Variants in SPOCD1 observed in about 807,000 individuals in gnomAD.
SPOCD1 encodes the protein SPOC domain containing 1.
A neutral mutation model predicts 92.2 loss-of-function variants in SPOCD1; 64 were observed. That is an observed-to-expected ratio of 0.69 (90% CI 0.57 to 0.86). The LOEUF is 0.86. Among genes scored for constraint, SPOCD1 ranks in the 40% least tolerant of loss-of-function variants. The pLI, the probability that SPOCD1 is intolerant of heterozygous loss-of-function variation, is 0.00. For synonymous variants in SPOCD1, 578 were observed against 619.3 expected (o/e 0.93, Z 0.99); for missense variants, 1,360 against 1,543.1 (o/e 0.88, Z 1.99).
Position 31,814,498 on chromosome 1 carries a change from G to A in SPOCD1, c.836C>T (p.Ala279Val). 1 of 1,555,110 alleles carries A rather than the reference G, an allele frequency of 6.4e-7. No homozygotes were observed. The highest frequency in any genetic ancestry group is 1.2e-5 in the South Asian group (1 of 82,028). ...GEPGGSGAGC[A>V]SGTEKFGYLP... The stretch of plus-strand genomic sequence containing the variant: ...ATATCCAAATTTCTCAGTCCCTGAG[G>A]CACATCCTGCCCCACTTCCACCTGG... Residue 279 changes from alanine to valine, a missense_variant, in exon 2 of 16, where the codon GCC becomes GTC. Coordinates refer to ENST00000360482, the MANE Select transcript of SPOCD1 (RefSeq NM_144569.7). This position sits in a 1 kb window ranked among gnomAD's most constrained non-coding sequence, Gnocchi z 4.2.
At chr1:31,806,901 G>T (rs1175041839) in intron 2 of SPOCD1, among the ~76,000 whole-genome samples, 1 of 151,998 alleles carries the variant, frequency 6.6e-6, no homozygotes, top group Non-Finnish European at 1.5e-5. Flanking sequence ...CTGAGTCTTT[G>T]AAATTCAGTG....
intron 2 of SPOCD1, among the ~76,000 whole-genome samples, chr1:31,807,987 C>G (rs1458618803): frequency 6.6e-6 from 1 of 152,118 alleles, no homozygotes; most frequent in South Asian, 2.1e-4. Context: ...TAAATTGAAT[C>G]AGTAGGGAAG....
intron 3 of SPOCD1, 79 bp downstream of exon 3, chr1:31,801,585 T>C (rs1320018058): frequency 2.3e-6 from 3 of 1,302,980 alleles, no homozygotes; most frequent in Non-Finnish European, 3.3e-6. Context: ...TCTCCACATC[T>C]ACTGTGGAGG....
Position 31,790,741 on chromosome 1 carries a change from G to C in SPOCD1, c.3513C>G (p.Thr1171=), listed in dbSNP as rs1167390935. Residue 1171 remains threonine, a synonymous_variant, in exon 16 of 16, where the codon ACC becomes ACG. Coordinates refer to ENST00000360482, the MANE Select transcript of SPOCD1 (RefSeq NM_144569.7). ...GCAGAGGGCGGGGGATGGAGCTCTT[G>C]GTCTGGGGGCACAGTAAGGCTTGGA... The part of the protein sequence containing the change: ...HQLQALLCPQ[T]KSSIPRPLQR... 4 of 1,552,090 alleles carry C rather than the reference G, an allele frequency of 2.6e-6. No individual in the cohort carries two copies. The highest frequency in any genetic ancestry group is 2.4e-5 in the East Asian group (1 of 40,972).
intron 2 of SPOCD1, among the ~76,000 whole-genome samples, chr1:31,809,796 AT>A (rs1570200426): frequency 2.0e-5 from 3 of 152,160 alleles, no homozygotes; most frequent in African/African-American, 7.2e-5. Flanking sequence ...CTCTCTGTAA[AT>A]GCCTGTGTTG....
At chr1:31,792,495 G>A in intron 14 of SPOCD1, 94 bp from the exon 15 acceptor site, 1 of 1,370,698 alleles carries the variant, frequency 7.3e-7, no homozygotes, top group Non-Finnish European at 1.0e-6. Flanking sequence ...AACCCCGTGA[G>A]AAAGTATGTC....
chr1:31,805,577 A>G (rs921001977), intron 2 of SPOCD1, among the ~76,000 whole-genome samples: 1 of 151,996 alleles, frequency 6.6e-6, no homozygotes, highest in Admixed American at 6.6e-5. Context: ...ATTTTTTTTT[A>G]AAGAGCCAGG....
Position 31,799,401 on chromosome 1 carries a change from C to A in SPOCD1, c.1868G>T (p.Arg623Leu), listed in dbSNP as rs201291524. ...AGGGGAGTGGGGAGCAAGGCCTCAC[C>A]GAGTCCATAGTACCTCCTGCATGGA... ...VRSMQEVLWT[R>L]LRELPDPVLS... The change falls in exon 7 of 16, where the codon CGC becomes CTC. Residue 623 changes from arginine to leucine, a missense_variant and splice_region_variant. Physicochemically the swap from Arg to Leu is moderately radical, Grantham distance 102 (BLOSUM62 -2). This residue lies in a region of SPOCD1 where 606 missense variants were observed against 601.5 expected (regional missense o/e 1.01). Transcript: ENST00000360482. 6.2e-7 allele frequency: 1 copy of A among 1,607,260 alleles called. No homozygotes were observed. Among genetic ancestry groups the A allele is most frequent in the South Asian group, 1.1e-5 (1 of 89,588 alleles).
At chr1:31,808,823 T>C (rs1196520677) in intron 2 of SPOCD1, among the ~76,000 whole-genome samples, 2 of 151,122 alleles carry the variant, frequency 1.3e-5, no homozygotes, top group African/African-American at 4.8e-5. Context: ...AAAAGCAAGA[T>C]TTCTGGATGC....
intron 15 of SPOCD1, 102 bp from the exon 16 acceptor site, chr1:31,791,393 AAAGT>A (rs778585165): frequency 2.1e-6 from 2 of 954,768 alleles, no homozygotes; most frequent in African/African-American, 1.7e-5. Context: ...GATGCTGGGA[AAAGT>A]AAGTAGGAAG....
Position 31,800,549 on chromosome 1 carries a change from T to TGGCA in SPOCD1, c.1490_1493dup (p.Pro499AlafsTer56), listed in dbSNP as rs1302933917. ...AGTCCTCTAGAACCTCCAGCTTTGG[T>TGGCA]GGCAGCTGCCCCCCTGCCTGGCCGT... On this transcript the variant is annotated frameshift_variant, in exon 4 of 16. Coordinates refer to ENST00000360482, the MANE Select transcript of SPOCD1 (RefSeq NM_144569.7). LOFTEE classifies it high-confidence loss of function. 6.2e-7 allele frequency: 1 copy of TGGCA among 1,611,644 alleles called. No homozygotes were observed. The highest frequency in any genetic ancestry group is 1.3e-5 in the African/African-American group (1 of 75,020).
In SPOCD1 at chr1:31,800,424, C is replaced by T. The variant is rs1334656963; in HGVS notation, c.1602+17G>A. The T allele has an allele frequency of 7.8e-6, 12 of 1,541,342 alleles. No individual in the cohort carries two copies. Among genetic ancestry groups the T allele is most frequent in the African/African-American group, 2.7e-5 (2 of 72,734 alleles). On this transcript the variant is annotated intron_variant, in intron 4 of 15. Coordinates refer to ENST00000360482, the MANE Select transcript of SPOCD1 (RefSeq NM_144569.7). ...TGCCTCTCTCAGCAGGATTAAATGACATCACTTGTTCTGTACCTGGCACCC... is the reference window on the plus strand; with the variant it reads ...TGCCTCTCTCAGCAGGATTAAATGATATCACTTGTTCTGTACCTGGCACCC...
intron 10 of SPOCD1, 37 bp downstream of exon 10, chr1:31,796,553 G>A: frequency 6.2e-7 from 1 of 1,614,224 alleles, no homozygotes; most frequent in Non-Finnish European, 8.5e-7. Context: ...CCCCAGGCAT[G>A]GGCTCTGCCC....
Position 31,793,468 on chromosome 1 carries a change from C to A in SPOCD1, c.2535-40G>T. The A allele has an allele frequency of 1.9e-6, 3 of 1,559,780 alleles. No homozygotes were observed. The South Asian group carries it at 3.5e-5, about 18-fold the overall frequency. The stretch of plus-strand genomic sequence containing the variant: ...AGAAGACAGGGCCAGACAGAGCAGG[C>A]CATGAGGACTTCCCCGGCACCTCCT... On this transcript the variant is annotated intron_variant, in intron 12 of 15. Coordinates refer to ENST00000360482, the MANE Select transcript of SPOCD1 (RefSeq NM_144569.7).
In SPOCD1 at chr1:31,793,797, A is replaced by G. The variant is rs765036515; in HGVS notation, c.2484T>C (p.Ala828=). The change falls in exon 12 of 16, where the codon GCT becomes GCC. Residue 828 remains alanine, a synonymous_variant. Coordinates refer to ENST00000360482, the MANE Select transcript of SPOCD1 (RefSeq NM_144569.7). ...ACTCCCTGGTTTTGGGCATCTCTGG[A>G]GCAGGCATAGGAGTTTGGCTTAGGG... The part of the protein sequence containing the change: ...QKALSQTPMP[A]PEMPKTRELS... 1 of 1,614,174 alleles carries G rather than the reference A, an allele frequency of 6.2e-7. No individual in the cohort carries two copies. Among genetic ancestry groups the G allele is most frequent in the South Asian group, 1.1e-5 (1 of 91,084 alleles).
chr1:31,793,260 C>G lies in SPOCD1; in HGVS notation c.2685+18G>C, dbSNP rs747921757. 12 of 1,577,412 alleles carry G rather than the reference C, an allele frequency of 7.6e-6. No homozygotes were observed. The African/African-American group carries it at 9.4e-5, about 12-fold the overall frequency. On this transcript the variant is annotated intron_variant, in intron 13 of 15. Coordinates refer to ENST00000360482, the MANE Select transcript of SPOCD1 (RefSeq NM_144569.7). Reference sequence around the variant, plus strand: ...GGTCAGTGTGTAAGGGAATCCCTGGCGAGGAGGGCAGGTGCACCTGGACAA... The same window carrying G: ...GGTCAGTGTGTAAGGGAATCCCTGGGGAGGAGGGCAGGTGCACCTGGACAA...
At position 31,814,129 on chromosome 1, in the gene SPOCD1, T is replaced by C. The variant is rs376146499; in HGVS notation, c.1205A>G (p.Asp402Gly). 16 of 1,602,996 alleles carry C rather than the reference T, an allele frequency of 1.0e-5. 1 individual carries two copies. The Admixed American group carries it at 2.7e-4, about 27-fold the overall frequency. Residue 402 changes from aspartate (D) to glycine (G), a missense_variant, in exon 2 of 16, where the codon GAT (aspartate) becomes GGT (glycine). Asp to Gly is a moderately conservative substitution (Grantham distance 94). Around this residue, in one of 3 missense-constraint regions of SPOCD1, gnomAD observed 606 missense variants for 601.5 expected, o/e 1.01. Transcript: ENST00000360482. The surrounding 1 kb of genome is among the most constrained non-coding windows in gnomAD (Gnocchi z 4.2). ...TGAGCAGGCCCTGCTGGCTTCAGTA[T>C]CCAGGGAGGAGCTGAGGCCGCCCAA... ...EPLGGLSSSL[D>G]TEASRACSGP... is the part of the protein sequence containing the mutation.
At chr1:31,796,780 T>C in intron 9 of SPOCD1, 65 bp from the exon 10 acceptor site, 2 of 1,608,342 alleles carry the variant, frequency 1.2e-6, no homozygotes, top group Non-Finnish European at 8.5e-7. Flanking sequence ...AAAGCCCAAG[T>C]GCTCACTTTC....
intron 3 of SPOCD1, 86 bp from the exon 4 acceptor site, chr1:31,800,703 A>G: frequency 8.4e-7 from 1 of 1,192,000 alleles, no homozygotes; most frequent in Non-Finnish European, 1.2e-6. Context: ...TAATTGTTGA[A>G]CATCTCTCTC....
Sources: gnomAD v4.1 joint callset for allele counts (sites outside exome capture counted in the v4.1 genomes callset) on GRCh38, gnomAD v4.1.1 for gene constraint, gnomAD v4.1.1 regional missense constraint, Gnocchi (gnomAD v3.1) non-coding constraint, MANE v1.5 for transcripts, NCBI Gene and HGNC (gene_info 2026-07-23, HGNC 2026-07-21) for gene names.